USP9X: variants seen among roughly 807,000 people sequenced by gnomAD.
USP9X encodes ubiquitin specific peptidase 9 X-linked.
In USP9X, 7 loss-of-function variants were observed where a neutral mutation model predicts 190.3. The ratio of observed to expected loss-of-function variants is 0.04; its 90% confidence interval spans 0.02 to 0.07. USP9X has a LOEUF of 0.07. Ranked by LOEUF, USP9X falls within the 10% of genes least tolerant of loss-of-function variation. The pLI is 1.00. For missense variants in USP9X, 1,010 were observed against 1,916.9 expected (o/e 0.53, Z 8.83); for synonymous variants, 645 against 659.5 (o/e 0.98, Z 0.34).
At chrX:41,167,444 G>A in intron 16 of USP9X, 38 bp from the exon 17 acceptor site, 1 of 1,110,472 alleles carries the variant, frequency 9.0e-7, no homozygotes, top group Non-Finnish European at 1.2e-6. Flanking sequence ...AAAAATATAT[G>A]TTGAAAGGGA....
At position 41,096,731 on chromosome X, in the gene USP9X, C is replaced by G. The variant is rs1486996514; in HGVS notation, c.-159+10622C>G. 8.0e-5 allele frequency among the ~76,000 whole-genome samples: 9 copies of G among 111,950 alleles called. No individual in the cohort carries two copies. The Admixed American group carries it at 8.6e-4, about 11-fold the overall frequency. The stretch of plus-strand genomic sequence containing the variant: ...GTGGAATTACAGGCATGAGCCACCG[C>G]GCCTGGTCAAGAGCTGTGCTTTAGT... On this transcript the variant is annotated intron_variant, in intron 1 of 44. Coordinates refer to ENST00000378308, the MANE Select transcript of USP9X (RefSeq NM_001039591.3).
At chrX:41,199,519 C>T (rs1332031642) in intron 30 of USP9X, among the ~76,000 whole-genome samples, 1 of 111,772 alleles carries the variant, frequency 8.9e-6, no homozygotes, top group Non-Finnish European at 1.9e-5. Flanking sequence ...TCTCCTGCCT[C>T]AGCCTCCCAA....
intron 11 of USP9X, among the ~76,000 whole-genome samples, chrX:41,145,195 G>A (rs2062454133): frequency 9.0e-6 from 1 of 111,694 alleles, no homozygotes; most frequent in South Asian, 3.7e-4. Context: ...ACTAAGAGGT[G>A]TTCTGTTAAC....
Position 41,125,718 on chromosome X carries a change from T to G in USP9X, c.96+1994T>G, listed in dbSNP as rs78494260. 3.4e-3 allele frequency among the ~76,000 whole-genome samples: 333 copies of G among 99,206 alleles called. 7 individuals are homozygous for G. Among genetic ancestry groups the G allele is most frequent in the African/African-American group, 0.013 (312 of 24,548 alleles). 86.1% of individuals were successfully genotyped at this position (99,206 alleles called of 115,157 possible). A position where few individuals can be genotyped will look rare whatever the true frequency, so the allele number is the denominator to read the frequency against. On this transcript the variant is annotated intron_variant, in intron 2 of 44. Transcript: ENST00000378308. The stretch of plus-strand genomic sequence containing the variant: ...CTCTCTCTCTCTCTCTCTCTCTCTC[T>G]CGCGCACGCGCGCGCGCTCTCTCTC...
chrX:41,161,952 T>C (rs2062637256), intron 14 of USP9X, among the ~76,000 whole-genome samples: 1 of 110,714 alleles, frequency 9.0e-6, no homozygotes, highest in African/African-American at 3.3e-5. Context: ...TGATGAAATA[T>C]GCATTCCTGA....
Position 41,224,909 on chromosome X carries a change from T to A in USP9X, c.6919T>A (p.Cys2307Ser), listed in dbSNP as rs1230275240. 8.3e-7 allele frequency: 1 copy of A among 1,210,770 alleles called. No homozygotes were observed. The highest frequency in any genetic ancestry group is 1.1e-6 in the Non-Finnish European group (1 of 895,431). Residue 2307 changes from cysteine (C) to serine (S), a missense_variant, in exon 40 of 45, where the codon TGC becomes AGC. By Grantham distance (112) the Cys-to-Ser change is moderately radical. Coordinates refer to ENST00000378308, the MANE Select transcript of USP9X (RefSeq NM_001039591.3). ...EETVKLLRFC[C>S]WENPQFSSTV... is the part of the protein sequence containing the mutation. ...AACCGTCAAATTGCTTCGTTTTTGCTGCTGGGAGAATCCTCAGTTCTCATC... is the reference window on the plus strand; with the variant it reads ...AACCGTCAAATTGCTTCGTTTTTGCAGCTGGGAGAATCCTCAGTTCTCATC...
intron 11 of USP9X, among the ~76,000 whole-genome samples, chrX:41,145,419 T>G (rs1244015339): frequency 8.9e-6 from 1 of 112,142 alleles, no homozygotes; most frequent in Non-Finnish European, 1.9e-5. Flanking sequence ...CAACACTTGT[T>G]AGCAGAATTA....
At chrX:41,106,826 C>T (rs754072336) in intron 1 of USP9X, among the ~76,000 whole-genome samples, 16 of 101,052 alleles carry the variant, frequency 1.6e-4, no homozygotes, top group Admixed American at 5.3e-4. Context: ...CCACTGCACC[C>T]GGCCCTGAAT....
At position 41,184,742 on chromosome X, in the gene USP9X, G is replaced by A; in HGVS notation, c.3558+67G>A. ...GCAATTTTTAAAGTAAAACTAATTA[G>A]TATTTTAAGTGTAGAGTTCAAGGTT... On this transcript the variant is annotated intron_variant, in intron 23 of 44. Coordinates refer to ENST00000378308, the MANE Select transcript of USP9X (RefSeq NM_001039591.3). 15 of 933,423 alleles carry A rather than the reference G, an allele frequency of 1.6e-5. No homozygotes were observed. The South Asian group carries it at 3.3e-4, about 20-fold the overall frequency. 76.9% of individuals were successfully genotyped at this position (933,423 alleles called of 1,213,427 possible).
At chrX:41,201,323 T>G in intron 31 of USP9X, 43 bp downstream of exon 31, 1 of 1,075,975 alleles carries the variant, frequency 9.3e-7, no homozygotes, top group Non-Finnish European at 1.3e-6. Flanking sequence ...TTTCAAGTTA[T>G]GATACCAGAT....
At chrX:41,218,789 G>A (rs1244800814) in intron 37 of USP9X, among the ~76,000 whole-genome samples, 192 bp downstream of exon 37, 1 of 112,278 alleles carries the variant, frequency 8.9e-6, no homozygotes, top group Admixed American at 9.4e-5. Flanking sequence ...CTTTAAAAAT[G>A]TAAGAGAATT....
At chrX:41,093,941 A>G (rs2061971170) in intron 1 of USP9X, among the ~76,000 whole-genome samples, 1 of 111,974 alleles carries the variant, frequency 8.9e-6, no homozygotes, top group Non-Finnish European at 1.9e-5. Context: ...CGGGAATGTG[A>G]AAGGAGGATA....
At chrX:41,113,164 T>A (rs905921707) in intron 1 of USP9X, among the ~76,000 whole-genome samples, 1 of 112,459 alleles carries the variant, frequency 8.9e-6, no homozygotes, top group Non-Finnish European at 1.9e-5. Flanking sequence ...AATTTAAAAA[T>A]TCAAAAAGAT....
chrX:41,214,484 AAAG>A, intron 33 of USP9X, 81 bp from the exon 34 acceptor site: 1 of 943,528 alleles, frequency 1.1e-6, no homozygotes, highest in South Asian at 3.0e-5. Flanking sequence ...TTTAAAAAAA[AAAG>A]GCAAATGTAG....
At chrX:41,193,754 A>G (rs1150539) in intron 26 of USP9X, among the ~76,000 whole-genome samples, 5,714 of 110,971 alleles carry the variant, frequency 0.051, 148 homozygotes, top group Non-Finnish European at 0.076. Flanking sequence ...CTTGAACCCA[A>G]GAGTTTGAGG....
chrX:41,194,615 A>T (rs1484565431), intron 26 of USP9X, among the ~76,000 whole-genome samples: 1 of 111,617 alleles, frequency 9.0e-6, no homozygotes, highest in Non-Finnish European at 1.9e-5. Context: ...AAAGACAGAA[A>T]TGTAGTTATC....
At chrX:41,216,704 G>C (rs1354195312) in intron 35 of USP9X, 52 bp downstream of exon 35, 2 of 1,100,107 alleles carry the variant, frequency 1.8e-6, no homozygotes, top group Admixed American at 5.6e-5. Context: ...ATTTATAGTA[G>C]GCGTCAACAT....
At chrX:41,091,476 G>A (rs1024973241) in intron 1 of USP9X, among the ~76,000 whole-genome samples, 1 of 111,798 alleles carries the variant, frequency 8.9e-6, no homozygotes. Flanking sequence ...GATTAATTTT[G>A]TCCTCACAAT....
intron 26 of USP9X, among the ~76,000 whole-genome samples, chrX:41,192,662 T>G (rs2062947725): frequency 9.0e-6 from 1 of 111,419 alleles, no homozygotes; most frequent in African/African-American, 3.3e-5. Context: ...CTAAGCAGTG[T>G]TTGATGTTAA....
Sources: gnomAD v4.1 joint callset for allele counts (sites outside exome capture counted in the v4.1 genomes callset) on GRCh38, gnomAD v4.1.1 for gene constraint, MANE v1.5 for transcripts, NCBI Gene and HGNC (gene_info 2026-07-23, HGNC 2026-07-21) for gene names.